RSRC1: variants seen among roughly 807,000 people sequenced by gnomAD.
RSRC1 encodes arginine and serine rich coiled-coil 1.
A neutral mutation model predicts 49.1 loss-of-function variants in RSRC1; 39 were observed. That is an observed-to-expected ratio of 0.79 (90% CI 0.61 to 1.04). The LOEUF is 1.04. Ranked by LOEUF, RSRC1 falls within the 50% of genes least tolerant of loss-of-function variation. RSRC1 has a pLI of 0.00. For synonymous variants in RSRC1, 143 were observed against 130.8 expected (o/e 1.09, Z -0.63); for missense variants, 388 against 402.4 (o/e 0.96, Z 0.31).
chr3:158,432,012 T>A (rs1158299437), intron 6 of RSRC1, among the ~76,000 whole-genome samples: 1 of 151,976 alleles, frequency 6.6e-6, no homozygotes, highest in African/African-American at 2.4e-5. Context: ...CATTTAAAAC[T>A]GTTGGCAAAG....
intron 5 of RSRC1, among the ~76,000 whole-genome samples, chr3:158,343,385 A>C (rs976579234): frequency 2.0e-5 from 3 of 152,074 alleles, no homozygotes; most frequent in Non-Finnish European, 2.9e-5. Context: ...CTGACACACA[A>C]AAAAAATGTC....
At chr3:158,244,646 G>A (rs988913235) in intron 4 of RSRC1, among the ~76,000 whole-genome samples, 1 of 152,198 alleles carries the variant, frequency 6.6e-6, no homozygotes, top group African/African-American at 2.4e-5. Context: ...CATAGAATGA[G>A]TTAACAGAGG....
At chr3:158,118,442 TGTGTGTGTGTGTGTGTGTGTGC>T (rs1267282101) in intron 1 of RSRC1, among the ~76,000 whole-genome samples, 22 of 136,230 alleles carry the variant, frequency 1.6e-4, no homozygotes, top group African/African-American at 6.1e-4. Context: ...TGTGTGTGTG[TGTGTGTGTGTGTGTGTGTGTGC>T]GCGTGCGCGT....
chr3:158,496,919 G>C lies in RSRC1; in HGVS notation c.652+35916G>C, dbSNP rs560247952. 17 of 193,806 alleles carry C rather than the reference G, an allele frequency of 8.8e-5. No individual in the cohort carries two copies. In the South Asian group the frequency reaches 1.9e-3, roughly 21 times the overall value. 12.0% of individuals were successfully genotyped at this position (193,806 alleles called of 1,614,324 possible). Reference sequence around the variant, plus strand: ...AAGGATGTCATTGACGAGTACTTCAGATACAAAAAAAATAAGCAAATAAAA... The same window carrying C: ...AAGGATGTCATTGACGAGTACTTCACATACAAAAAAAATAAGCAAATAAAA... On this transcript the variant is annotated intron_variant, in intron 7 of 9. Coordinates refer to ENST00000611884, the MANE Select transcript of RSRC1 (RefSeq NM_001271838.2).
At chr3:158,468,927 TAAC>T (rs1252631255) in intron 7 of RSRC1, among the ~76,000 whole-genome samples, 1 of 152,142 alleles carries the variant, frequency 6.6e-6, no homozygotes, top group South Asian at 2.1e-4. Context: ...TGTATCCAAA[TAAC>T]AAGGAAAATA....
chr3:158,170,649 A>T (rs6802443), intron 3 of RSRC1, among the ~76,000 whole-genome samples: 2 of 151,960 alleles, frequency 1.3e-5, no homozygotes, highest in Admixed American at 6.6e-5. Context: ...GATTTGACTC[A>T]GAGTAGTCCC....
At chr3:158,425,058 G>T (rs1167282904) in intron 6 of RSRC1, among the ~76,000 whole-genome samples, 1 of 151,076 alleles carries the variant, frequency 6.6e-6, no homozygotes, top group Non-Finnish European at 1.5e-5. Context: ...TTTTTGAAGG[G>T]TTTTTTGTGT....
chr3:158,287,320 TTTAA>T (rs1249412914), intron 4 of RSRC1, among the ~76,000 whole-genome samples: 1 of 152,230 alleles, frequency 6.6e-6, no homozygotes, highest in Non-Finnish European at 1.5e-5. Context: ...GTAATGTGAA[TTTAA>T]TTGACATTTA....
At chr3:158,330,178 T>G (rs1297903660) in intron 5 of RSRC1, among the ~76,000 whole-genome samples, 1 of 152,224 alleles carries the variant, frequency 6.6e-6, no homozygotes, top group Non-Finnish European at 1.5e-5. Flanking sequence ...CCCCTTGCAC[T>G]TCCTGGATGA....
rs144405557 is a variant in RSRC1, at chr3:158,351,905, T to C, written c.532-2952T>C. ...ATATAACTATTATATAATATATAAT[T>C]ATATAAATATTATATATATATAAAT... On this transcript the variant is annotated intron_variant, in intron 5 of 9. Coordinates refer to ENST00000611884, the MANE Select transcript of RSRC1 (RefSeq NM_001271838.2). Among the ~76,000 whole-genome samples, 206 of 146,796 alleles carry C rather than the reference T, an allele frequency of 1.4e-3. 1 individual carries two copies. The East Asian group carries it at 0.035, about 25-fold the overall frequency.
chr3:158,465,390 A>G (rs1737834320), intron 7 of RSRC1, among the ~76,000 whole-genome samples: 1 of 151,982 alleles, frequency 6.6e-6, no homozygotes. Context: ...CAGAGAGAGA[A>G]CTGTTATAAT....
chr3:158,518,631 C>T (rs1336662582), intron 7 of RSRC1, among the ~76,000 whole-genome samples: 6 of 152,096 alleles, frequency 3.9e-5, no homozygotes, highest in African/African-American at 1.4e-4. Context: ...CATCCCTCTC[C>T]AATTTTACTT....
At chr3:158,310,982 C>T (rs1026388980) in intron 5 of RSRC1, among the ~76,000 whole-genome samples, 1 of 151,734 alleles carries the variant, frequency 6.6e-6, no homozygotes, top group African/African-American at 2.4e-5. Flanking sequence ...CCTCGTTTGT[C>T]AGTTTCTAAA....
chr3:158,475,428 T>C (rs1219399841), intron 7 of RSRC1, among the ~76,000 whole-genome samples: 1 of 152,208 alleles, frequency 6.6e-6, no homozygotes, highest in Non-Finnish European at 1.5e-5. Flanking sequence ...GATTGCACTT[T>C]GACAATGTTT....
intron 4 of RSRC1, among the ~76,000 whole-genome samples, chr3:158,242,774 T>C (rs575144053): frequency 6.6e-6 from 1 of 152,314 alleles, no homozygotes; most frequent in Admixed American, 6.5e-5. Flanking sequence ...GATATCTCAT[T>C]GTGGTTTTGG....
intron 5 of RSRC1, among the ~76,000 whole-genome samples, chr3:158,312,575 A>G (rs1032059776): frequency 6.6e-6 from 1 of 152,204 alleles, no homozygotes; most frequent in Non-Finnish European, 1.5e-5. Flanking sequence ...CTATGAAAGA[A>G]TAAAGATTGG....
At chr3:158,379,979 G>C (rs1464921098) in intron 6 of RSRC1, among the ~76,000 whole-genome samples, 1 of 150,840 alleles carries the variant, frequency 6.6e-6, no homozygotes, top group Non-Finnish European at 1.5e-5. Context: ...TATCTGCTTT[G>C]TTCACTTTTG....
intron 3 of RSRC1, among the ~76,000 whole-genome samples, chr3:158,149,242 A>G (rs1717362046): frequency 2.6e-5 from 4 of 152,062 alleles, no homozygotes; most frequent in Non-Finnish European, 5.9e-5. Flanking sequence ...CTCCTTTGAT[A>G]TTTCTATTTT....
chr3:158,156,667 G>A (rs79439176), intron 3 of RSRC1, among the ~76,000 whole-genome samples: 5,709 of 152,170 alleles, frequency 0.038, 361 homozygotes, highest in African/African-American at 0.13. Context: ...TTTCAATATC[G>A]TTGTATTCCA....
Sources: gnomAD v4.1 joint callset for allele counts (sites outside exome capture counted in the v4.1 genomes callset) on GRCh38, gnomAD v4.1.1 for gene constraint, MANE v1.5 for transcripts, NCBI Gene and HGNC (gene_info 2026-07-23, HGNC 2026-07-21) for gene names.